The following BSN variants were observed in gnomAD, a reference collection of about 807,000 sequenced individuals.
BSN encodes bassoon presynaptic cytomatrix protein.
Under a neutral mutation model 264.8 loss-of-function variants are expected in BSN, and 57 were observed. That is an observed-to-expected ratio of 0.22 (90% confidence interval 0.17 to 0.27). The LOEUF (loss-of-function observed/expected upper bound fraction) is 0.27, where lower values mean the gene tolerates loss of function less well. BSN is among the 10% of genes least tolerant of loss of function. The pLI is 1.00. For synonymous variants in BSN, 2,059 were observed against 2,137.3 expected (o/e 0.96, Z 1.01); for missense variants, 4,615 against 5,232.5 (o/e 0.88, Z 3.64).
At chr3:49,613,502 A>T (rs9866749) in intron 1 of BSN, among the ~76,000 whole-genome samples, 105,658 of 145,636 alleles carry the variant, frequency 0.73, 38,514 homozygotes, top group East Asian at 0.92. Flanking sequence ...TATTATTATT[A>T]TTTTTTTTTG....
chr3:49,571,085 GAT>G (rs2108007027), intron 1 of BSN, among the ~76,000 whole-genome samples: 1 of 152,300 alleles, frequency 6.6e-6, no homozygotes, highest in African/African-American at 2.4e-5. Context: ...AAGAAGTTCA[GAT>G]AGCGACAGGC....
chr3:49,576,729 C>G (rs532776904), intron 1 of BSN, among the ~76,000 whole-genome samples: 3 of 152,314 alleles, frequency 2.0e-5, no homozygotes, highest in African/African-American at 7.2e-5. Context: ...GCCTCACTTT[C>G]TTTATTCATA....
rs767051431 is a variant in BSN, at chr3:49,653,992, C to T, written c.4436C>T (p.Pro1479Leu). Reference protein sequence around the residue: ...AYSYFASSSPPLSPSSPSESP... With the variant: ...AYSYFASSSPLLSPSSPSESP... The stretch of plus-strand genomic sequence containing the variant: ...TCCTACTTTGCAAGCTCCAGCCCAC[C>T]TCTCTCCCCGTCTTCCCCCTCAGAG... The change falls in exon 5 of 12, where the codon CCT becomes CTT. Residue 1479 changes from proline (P) to leucine (L), a missense_variant. Coordinates refer to ENST00000296452, the MANE Select transcript of BSN (RefSeq NM_003458.4). The surrounding 1 kb of genome is among the most constrained non-coding windows in gnomAD (Gnocchi z 6.3). The T allele has an allele frequency of 4.3e-6, 7 of 1,614,038 alleles. No individual in the cohort carries two copies. The highest frequency in any genetic ancestry group is 5.1e-6 in the Non-Finnish European group (6 of 1,180,008).
downstream of BSN, among the ~76,000 whole-genome samples, chr3:49,672,920 C>CA (rs2052826696): frequency 6.6e-6 from 1 of 150,988 alleles, no homozygotes; most frequent in Non-Finnish European, 1.5e-5. Context: ...ACTGGGACTA[C>CA]AGGCGCCTGC....
At chr3:49,618,814 G>T (rs1055932943) in intron 1 of BSN, among the ~76,000 whole-genome samples, 58 of 152,242 alleles carry the variant, frequency 3.8e-4, no homozygotes, top group Non-Finnish European at 1.2e-4. Flanking sequence ...CCATGCAGCA[G>T]TGTGTCTTGC....
intron 1 of BSN, among the ~76,000 whole-genome samples, chr3:49,604,528 T>C (rs913123192): frequency 2.0e-5 from 3 of 152,204 alleles, no homozygotes; most frequent in African/African-American, 7.2e-5. Context: ...ATCCATATTG[T>C]AGCATGTATC....
rs144296383 is a variant in BSN, at chr3:49,650,668, A to G, written c.1575A>G (p.Leu525=). 102 of 1,610,178 alleles carry G rather than the reference A, an allele frequency of 6.3e-5. No individual in the cohort carries two copies. The highest frequency in any genetic ancestry group is 3.3e-4 in the Middle Eastern group (2 of 6,034). Residue 525 remains leucine, a synonymous_variant, in exon 4 of 12, where the codon CTA becomes CTG. Transcript: ENST00000296452. ...CCAAGCGGCTACTGGAGGGCAGCCT[A>G]GGAGAGCCGACCCCCCTGCCGCCGC... The part of the protein sequence containing the change: ...CQTKRLLEGS[L]GEPTPLPPPT...
Position 49,657,143 on chromosome 3 carries a change from G to A in BSN, c.7587G>A (p.Arg2529=). Reference sequence around the variant, plus strand: ...AGCCTCGTGAGCCTGTGCTGCACCGGGGTCTCCCCAGCTCTGCCTCAGACA... The same window carrying A: ...AGCCTCGTGAGCCTGTGCTGCACCGAGGTCTCCCCAGCTCTGCCTCAGACA... ...LGQPREPVLH[R]GLPSSASDMS... The change falls in exon 5 of 12, where the codon CGG becomes CGA. Residue 2529 remains arginine (R), a synonymous_variant. Coordinates refer to ENST00000296452, the MANE Select transcript of BSN (RefSeq NM_003458.4). 1 of 1,613,344 alleles carries A rather than the reference G, an allele frequency of 6.2e-7. No individual in the cohort carries two copies. Among genetic ancestry groups the A allele is most frequent in the Non-Finnish European group, 8.5e-7 (1 of 1,180,000 alleles).
rs140023119 is a variant in BSN at position 49,657,575 on chromosome 3, C to G, written c.8019C>G (p.Ser2673=). The G allele has an allele frequency of 1.6e-5, 26 of 1,612,870 alleles. No individual in the cohort carries two copies. In the African/African-American group the frequency reaches 3.2e-4, roughly 20 times the overall value. ...GCATCCAGACCATCAGTGACTGCTC[C>G]GTGCAGACGGAGCCTGACCAGCTGC... ...SVGIQTISDC[S]VQTEPDQLPR... Residue 2673 remains serine (S), a synonymous_variant, in exon 5 of 12, where the codon TCC becomes TCG. Coordinates refer to ENST00000296452, the MANE Select transcript of BSN (RefSeq NM_003458.4).
At position 49,650,715 on chromosome 3, in the gene BSN, T is replaced by C. The variant is rs777216327; in HGVS notation, c.1622T>C (p.Val541Ala). The C allele has an allele frequency of 6.2e-7, 1 of 1,613,112 alleles. No homozygotes were observed. The highest frequency in any genetic ancestry group is 2.2e-5 in the East Asian group (1 of 44,878). Residue 541 changes from valine (V) to alanine (A), a missense_variant, in exon 4 of 12, where the codon GTA becomes GCA. Val to Ala is a moderately conservative substitution (Grantham distance 64, BLOSUM62 0). Coordinates refer to ENST00000296452, the MANE Select transcript of BSN (RefSeq NM_003458.4). The part of the protein sequence containing the change: ...LPPPTSQQPP[V>A]GAPHRASGTS... ...CCGCCCACCTCACAGCAGCCCCCTG[T>C]AGGGGCCCCTCACCGTGCATCTGGA...
rs2052643918 is a variant in BSN, at chr3:49,660,417, G to A, written c.8641-69G>A. The A allele has an allele frequency of 2.7e-6, 4 of 1,505,696 alleles. No individual in the cohort carries two copies. Among genetic ancestry groups the A allele is most frequent in the Admixed American group, 4.6e-5 (2 of 43,408 alleles). The allele number at this position is 1,505,696 out of a possible 1,614,324, so 93.3% of individuals were successfully genotyped here. A position where few individuals can be genotyped will look rare whatever the true frequency, so the allele number is the denominator to read the frequency against. On this transcript the variant is annotated intron_variant, in intron 5 of 11. Coordinates refer to ENST00000296452, the MANE Select transcript of BSN (RefSeq NM_003458.4). The surrounding 1 kb of genome is among the most constrained non-coding windows in gnomAD (Gnocchi z 7.1). ...CTTCCCCAGCCCAGGCCTGGGTTCT[G>A]CCACCCCACACCCCATCAAGTCACC... is the stretch of plus-strand genomic sequence containing the variant.
chr3:49,562,187 C>T (rs73074850), intron 1 of BSN, among the ~76,000 whole-genome samples: 508 of 152,292 alleles, frequency 3.3e-3, no homozygotes, highest in Non-Finnish European at 5.5e-3. Flanking sequence ...TACTGTGTCA[C>T]CTACACTTTT....
chr3:49,572,424 G>A (rs970439900), intron 1 of BSN, among the ~76,000 whole-genome samples: 2 of 152,262 alleles, frequency 1.3e-5, no homozygotes, highest in Non-Finnish European at 2.9e-5. Context: ...GCCTCAGGTC[G>A]AAAGTGGGTG....
intron 1 of BSN, among the ~76,000 whole-genome samples, chr3:49,576,208 A>G (rs1377994183): frequency 6.6e-6 from 1 of 151,906 alleles, no homozygotes; most frequent in Non-Finnish European, 1.5e-5. Context: ...TACTTGCTCC[A>G]TCTCTGAGGG....
intron 1 of BSN, among the ~76,000 whole-genome samples, chr3:49,619,598 C>T (rs908932931): frequency 2.6e-5 from 4 of 152,206 alleles, no homozygotes; most frequent in Non-Finnish European, 4.4e-5. Context: ...AGTGAATTTG[C>T]TGTGAGGCTT....
chr3:49,604,187 T>C (rs2052093430), intron 1 of BSN, among the ~76,000 whole-genome samples: 1 of 152,084 alleles, frequency 6.6e-6, no homozygotes, highest in African/African-American at 2.4e-5. Context: ...GCCTCCTGAG[T>C]AGCTGGGACT....
chr3:49,657,291 A>G lies in BSN; in HGVS notation c.7735A>G (p.Arg2579Gly). 2 of 1,613,364 alleles carry G rather than the reference A, an allele frequency of 1.2e-6. No individual in the cohort carries two copies. Among genetic ancestry groups the G allele is most frequent in the Non-Finnish European group, 1.7e-6 (2 of 1,179,876 alleles). The change falls in exon 5 of 12, where the codon AGG becomes GGG. Residue 2579 changes from arginine to glycine, a missense_variant. By Grantham distance (125) the Arg-to-Gly change is moderately radical. Transcript: ENST00000296452. The part of the protein sequence containing the change: ...ESGTEPCVVR[R>G]IADSSVQTDD... The stretch of plus-strand genomic sequence containing the variant: ...TGGGACTGAGCCCTGTGTGGTCAGG[A>G]GGATTGCCGACAGCAGCGTGCAGAC...
At position 49,657,911 on chromosome 3, in the gene BSN, C is replaced by T; in HGVS notation, c.8355C>T (p.Arg2785=). The change falls in exon 5 of 12, where the codon CGC becomes CGT. Residue 2785 remains arginine, a synonymous_variant. Transcript: ENST00000296452. The stretch of plus-strand genomic sequence containing the variant: ...AGTCTCTCTCACAGCTTGTGAGCCG[C>T]CAGCCTCCCAAGTCCCCTCAGGTCC... ...PPESLSQLVS[R]QPPKSPQVLY... is the part of the protein sequence containing the mutation. 6.2e-7 allele frequency: 1 copy of T among 1,613,852 alleles called. No homozygotes were observed.
In BSN at chr3:49,634,321, C is replaced by A. The variant is rs112989128; in HGVS notation, c.634-7947C>A. 5.9e-5 allele frequency among the ~76,000 whole-genome samples: 9 copies of A among 152,198 alleles called. 1 individual carries two copies. Among genetic ancestry groups the A allele is most frequent in the African/African-American group, 1.9e-4 (8 of 41,508 alleles). ...ATGAATGGTGGTGATGGTTGTACAG[C>A]ATTATGAATACAATACCACTGACCT... On this transcript the variant is annotated intron_variant, in intron 2 of 11. Transcript: ENST00000296452.
Sources: allele counts gnomAD v4.1 joint callset (sites outside exome capture counted in the v4.1 genomes callset), GRCh38; gene constraint gnomAD v4.1.1; non-coding constraint Gnocchi (gnomAD v3.1); transcripts MANE v1.5; gene names NCBI Gene and HGNC (gene_info 2026-07-23, HGNC 2026-07-21).